Variants in NUBPL observed in about 807,000 individuals in gnomAD.
NUBPL encodes iron-sulfur cluster transfer protein NUBPL.
In NUBPL, 31 loss-of-function variants were observed where a neutral mutation model predicts 45.7. That is an observed-to-expected ratio of 0.68 (90% CI 0.51 to 0.92). The LOEUF is 0.92. Ranked by LOEUF, NUBPL falls within the 40% of genes least tolerant of loss-of-function variation. The pLI, the probability that NUBPL is intolerant of heterozygous loss-of-function variation, is 0.00. For synonymous variants in NUBPL, 144 were observed against 140.9 expected (o/e 1.02, Z -0.15); for missense variants, 401 against 398.7 (o/e 1.01, Z -0.05).
intron 3 of NUBPL, among the ~76,000 whole-genome samples, chr14:31,597,851 T>C (rs2034323889): frequency 6.6e-6 from 1 of 152,136 alleles, no homozygotes; most frequent in South Asian, 2.1e-4. Flanking sequence ...AGTTAACAAT[T>C]AGCCATATTT....
At chr14:31,760,277 C>CTGAGTAGCTGGGGCTACAGGTG (rs2038777931) in intron 6 of NUBPL, among the ~76,000 whole-genome samples, 1 of 151,678 alleles carries the variant, frequency 6.6e-6, no homozygotes, top group Non-Finnish European at 1.5e-5. Flanking sequence ...CCTTAGCCTC[C>CTGAGTAGCTGGGGCTACAGGTG]TGAGTAGCTG....
At position 31,860,456 on chromosome 14, in the gene NUBPL, C is replaced by G. The variant is rs1230520127; in HGVS notation, c.*1276C>G. 6.6e-6 allele frequency: 1 copy of G among 151,910 alleles called. No homozygotes were observed. The highest frequency in any genetic ancestry group is 1.5e-5 in the Non-Finnish European group (1 of 67,994). 9.4% of individuals were successfully genotyped at this position (151,910 alleles called of 1,614,324 possible). On this transcript the variant is annotated 3_prime_UTR_variant, in exon 11 of 11. Transcript: ENST00000281081. ...ATAATACATTTTGAAAAACATTTATCTTGTCTAATTGAAGCTCAAAGAGAT... is the reference window on the plus strand; with the variant it reads ...ATAATACATTTTGAAAAACATTTATGTTGTCTAATTGAAGCTCAAAGAGAT...
chr14:31,688,990 T>C (rs992071708), intron 6 of NUBPL, among the ~76,000 whole-genome samples: 1 of 151,828 alleles, frequency 6.6e-6, no homozygotes, highest in Non-Finnish European at 1.5e-5. Context: ...GCAAGAGACC[T>C]GATCTCATTT....
intron 7 of NUBPL, among the ~76,000 whole-genome samples, chr14:31,804,353 A>G (rs1368882910): frequency 6.9e-6 from 1 of 145,518 alleles, no homozygotes; most frequent in Admixed American, 6.6e-5. Context: ...TTCAAAAAAT[A>G]GCTTGAGAAT....
chr14:31,814,498 A>T (rs1435686066), intron 7 of NUBPL, among the ~76,000 whole-genome samples: 2 of 152,026 alleles, frequency 1.3e-5, no homozygotes, highest in African/African-American at 4.8e-5. Flanking sequence ...GTTTACTATG[A>T]TGATAATTTC....
At chr14:31,599,649 CAAAG>C (rs992540043) in intron 4 of NUBPL, among the ~76,000 whole-genome samples, 2 of 151,990 alleles carry the variant, frequency 1.3e-5, no homozygotes, top group African/African-American at 4.8e-5. Flanking sequence ...TAATATTAAA[CAAAG>C]AAATAAATTT....
rs35449561 is a variant in NUBPL at position 31,596,489 on chromosome 14, G to GT, written c.292-2794dup. ...TATGACATGTGGACCAAATCCTGCC[G>GT]TTTTTTGTGAAGTTTTATTGGAACA... is the stretch of plus-strand genomic sequence containing the variant. On this transcript the variant is annotated intron_variant, in intron 3 of 10. Coordinates refer to ENST00000281081, the MANE Select transcript of NUBPL (RefSeq NM_025152.3). Among the ~76,000 whole-genome samples, 417 of 75,432 alleles carry GT rather than the reference G, an allele frequency of 5.5e-3. 2 individuals are homozygous for GT. The highest frequency in any genetic ancestry group is 0.013 in the African/African-American group (385 of 29,438). The allele number at this position is 75,432 out of a possible 152,430, so 49.5% of individuals were successfully genotyped here.
chr14:31,851,235 C>CTTTTTTT (rs10611566), intron 10 of NUBPL, among the ~76,000 whole-genome samples: 1 of 139,080 alleles, frequency 7.2e-6, no homozygotes. Context: ...AATAGTTTTT[C>CTTTTTTT]TTTTTTTTTT....
At chr14:31,696,245 C>G (rs28637268) in intron 6 of NUBPL, among the ~76,000 whole-genome samples, 33,808 of 152,108 alleles carry the variant, frequency 0.22, 6,547 homozygotes, top group African/African-American at 0.53. Context: ...TATTATTGAT[C>G]AGTCTTCTTG....
At chr14:31,782,654 G>T (rs2039212810) in intron 6 of NUBPL, among the ~76,000 whole-genome samples, 2 of 151,924 alleles carry the variant, frequency 1.3e-5, no homozygotes, top group Non-Finnish European at 2.9e-5. Context: ...TTAGCCAATT[G>T]TGATGGCGGG....
At chr14:31,837,794 A>G (rs905099559) in intron 8 of NUBPL, among the ~76,000 whole-genome samples, 1 of 152,240 alleles carries the variant, frequency 6.6e-6, no homozygotes, top group African/African-American at 2.4e-5. Context: ...TGTAAAACAT[A>G]TAGTCAACTT....
At chr14:31,646,219 C>T (rs569913066) in intron 4 of NUBPL, among the ~76,000 whole-genome samples, 7 of 152,096 alleles carry the variant, frequency 4.6e-5, no homozygotes, top group African/African-American at 1.7e-4. Flanking sequence ...CTGAGTCTTG[C>T]TCTACTGCCC....
At chr14:31,561,658 C>T (rs1270425618) in intron 1 of NUBPL, 111 bp downstream of exon 1, 1 of 729,726 alleles carries the variant, frequency 1.4e-6, no homozygotes, top group Non-Finnish European at 2.0e-6. Context: ...TCCTGAGACC[C>T]CCAGTGTGCT....
chr14:31,673,606 A>G, intron 6 of NUBPL, 32 bp downstream of exon 6: 2 of 1,562,498 alleles, frequency 1.3e-6, no homozygotes, highest in Non-Finnish European at 8.8e-7. Flanking sequence ...TCATTTTATC[A>G]TTGGCAAAGC....
At chr14:31,726,526 T>C (rs2037929481) in intron 6 of NUBPL, among the ~76,000 whole-genome samples, 1 of 152,238 alleles carries the variant, frequency 6.6e-6, no homozygotes. Flanking sequence ...TCAGGGTTTT[T>C]TGTTTAGTTT....
At chr14:31,805,031 A>G (rs1390754630) in intron 7 of NUBPL, among the ~76,000 whole-genome samples, 3 of 152,114 alleles carry the variant, frequency 2.0e-5, no homozygotes, top group Non-Finnish European at 4.4e-5. Context: ...TTCACAAACT[A>G]TGCATCTGAA....
chr14:31,834,400 C>G (rs995517789), intron 8 of NUBPL, among the ~76,000 whole-genome samples: 1 of 152,058 alleles, frequency 6.6e-6, no homozygotes, highest in African/African-American at 2.4e-5. Context: ...AGGATGGTCT[C>G]GATCTCCTGA....
At chr14:31,593,754 C>G (rs1332217094) in intron 3 of NUBPL, among the ~76,000 whole-genome samples, 1 of 151,984 alleles carries the variant, frequency 6.6e-6, no homozygotes, top group Admixed American at 6.6e-5. Context: ...ATGTTTAAAT[C>G]AAGACTTAAA....
intron 6 of NUBPL, among the ~76,000 whole-genome samples, chr14:31,688,662 T>TTTG (rs1335587482): frequency 2.0e-5 from 3 of 149,014 alleles, no homozygotes; most frequent in African/African-American, 7.5e-5. Flanking sequence ...GTTGTTGTTT[T>TTTG]TTTTTTTTTT....
Sources: gnomAD v4.1 joint callset for allele counts (sites outside exome capture counted in the v4.1 genomes callset) on GRCh38, gnomAD v4.1.1 for gene constraint, MANE v1.5 for transcripts, NCBI Gene and HGNC (gene_info 2026-07-23, HGNC 2026-07-21) for gene names.